Variants in CABIN1 observed in about 807,000 individuals in gnomAD.
CABIN1 encodes calcineurin binding protein 1, also known as calcineurin-binding protein cabin-1.
Under a neutral mutation model 227.7 loss-of-function variants are expected in CABIN1, and 133 were observed. That is an observed-to-expected ratio of 0.58 (90% CI 0.51 to 0.67). The LOEUF (loss-of-function observed/expected upper bound fraction) is 0.67. Ranked by LOEUF, CABIN1 falls within the 30% of genes least tolerant of loss-of-function variation. CABIN1 has a pLI of 0.00. For missense variants in CABIN1, 2,408 were observed against 2,852.5 expected, an observed-to-expected ratio of 0.84 and a Z score of 3.55; for synonymous variants, 1,086 against 1,155.1, an observed-to-expected ratio of 0.94 and a Z score of 1.21.
intron 15 of CABIN1, among the ~76,000 whole-genome samples, chr22:24,066,296 T>C (rs2039673983): frequency 6.6e-6 from 1 of 152,194 alleles, no homozygotes; most frequent in Non-Finnish European, 1.5e-5. Context: ...CAGTCATTGC[T>C]CTGCTCTCCT....
At chr22:24,141,454 T>C (rs191153561) in intron 29 of CABIN1, among the ~76,000 whole-genome samples, 11 of 152,362 alleles carry the variant, frequency 7.2e-5, no homozygotes, top group Admixed American at 7.2e-4. Flanking sequence ...TCTGATCTCC[T>C]TTCTCACCTG....
chr22:24,160,778 G>C (rs2046106868), intron 29 of CABIN1, among the ~76,000 whole-genome samples: 1 of 152,244 alleles, frequency 6.6e-6, no homozygotes, highest in Admixed American at 6.5e-5. Context: ...CCTCGAAGTG[G>C]TGCCACCTGC....
Position 24,063,276 on chromosome 22 carries a change from A to G in CABIN1, c.1884+130A>G, listed in dbSNP as rs1429430114. The G allele has an allele frequency of 4.3e-6, 4 of 931,550 alleles. 1 individual carries two copies. The African/African-American group carries it at 6.5e-5, about 15-fold the overall frequency. The allele number at this position is 931,550 out of a possible 1,614,324, so 57.7% of individuals were successfully genotyped here. Reference sequence around the variant, plus strand: ...TGTGTGTGCATGCATGTGTACATGCATAGCACCTGCCCGGGCACTGGGCTT... The same window carrying G: ...TGTGTGTGCATGCATGTGTACATGCGTAGCACCTGCCCGGGCACTGGGCTT... On this transcript the variant is annotated intron_variant, in intron 14 of 36. Coordinates refer to ENST00000263119, the MANE Select transcript of CABIN1 (RefSeq NM_012295.4).
intron 12 of CABIN1, among the ~76,000 whole-genome samples, chr22:24,060,890 ACT>A (rs1385725433): frequency 6.6e-6 from 1 of 150,494 alleles, no homozygotes; most frequent in African/African-American, 2.4e-5. Flanking sequence ...ACAAGGCGAG[ACT>A]CTTGTCTCAA....
At chr22:24,108,142 TG>T (rs1442865517) in intron 26 of CABIN1, among the ~76,000 whole-genome samples, 2 of 152,164 alleles carry the variant, frequency 1.3e-5, no homozygotes, top group East Asian at 3.8e-4. Context: ...AGGAAGACAA[TG>T]GCAATCGTGT....
chr22:24,059,113 C>G, intron 10 of CABIN1, 114 bp from the exon 11 acceptor site: 1 of 1,398,672 alleles, frequency 7.1e-7, no homozygotes, highest in Non-Finnish European at 1.0e-6. Flanking sequence ...CCACCACCCA[C>G]TTATTTTAGC....
chr22:24,091,542 T>C, intron 23 of CABIN1, 41 bp from the exon 24 acceptor site: 1 of 1,613,716 alleles, frequency 6.2e-7, no homozygotes, highest in East Asian at 2.2e-5. Context: ...CCTGGGCAGG[T>C]TCAGGCGTAA....
At chr22:24,071,980 A>G (rs1003029023) in intron 17 of CABIN1, among the ~76,000 whole-genome samples, 7 of 151,988 alleles carry the variant, frequency 4.6e-5, no homozygotes, top group Non-Finnish European at 1.0e-4. Flanking sequence ...TCTGTGAGCC[A>G]TTGTGGCTGC....
At chr22:24,080,272 G>A (rs1255135113) in intron 19 of CABIN1, among the ~76,000 whole-genome samples, 1 of 152,174 alleles carries the variant, frequency 6.6e-6, no homozygotes, top group Non-Finnish European at 1.5e-5. Context: ...GTCCGTTCCT[G>A]ACAATACTGA....
chr22:24,135,416 T>C (rs1483646047), intron 29 of CABIN1, among the ~76,000 whole-genome samples: 1 of 152,114 alleles, frequency 6.6e-6, no homozygotes, highest in Admixed American at 6.5e-5. Flanking sequence ...TGACCAATAT[T>C]GGGCTTTTAG....
intron 1 of CABIN1, among the ~76,000 whole-genome samples, chr22:24,027,110 T>A (rs1343546585): frequency 6.6e-6 from 1 of 152,262 alleles, no homozygotes; most frequent in Non-Finnish European, 1.5e-5. Flanking sequence ...TATTTTGTTA[T>A]ATTTATACAT....
At chr22:24,014,847 C>G (rs1345882102) in intron 1 of CABIN1, among the ~76,000 whole-genome samples, 1 of 152,170 alleles carries the variant, frequency 6.6e-6, no homozygotes, top group Non-Finnish European at 1.5e-5. Context: ...ACTTTGGTAT[C>G]TGGATTATCT....
rs1231210083 is a variant in CABIN1, at chr22:24,084,731, G to A, written c.3063G>A (p.Arg1021=). 1.2e-6 allele frequency: 2 copies of A among 1,614,100 alleles called. No individual in the cohort carries two copies. Among genetic ancestry groups the A allele is most frequent in the East Asian group, 2.2e-5 (1 of 44,898 alleles). ...CCACCATTGTGCCTCGCACAGAGAGGCCAGCCCTTAGCCTGGACAAAGTCT... is the reference window on the plus strand; with the variant it reads ...CCACCATTGTGCCTCGCACAGAGAGACCAGCCCTTAGCCTGGACAAAGTCT... ...RIATIVPRTE[R]PALSLDKVSA... The change falls in exon 21 of 37, where the codon AGG becomes AGA. Residue 1021 remains arginine (R), a synonymous_variant. Transcript: ENST00000263119.
At chr22:24,130,632 C>G (rs1204681785) in intron 28 of CABIN1, among the ~76,000 whole-genome samples, 1 of 152,072 alleles carries the variant, frequency 6.6e-6, no homozygotes, top group Non-Finnish European at 1.5e-5. Context: ...CAGCAAGGGC[C>G]CAATACAGTC....
rs2040142064 is a variant in CABIN1 at position 24,072,259 on chromosome 22, A to G, written c.2476-95A>G. ...CAGTGGGGGTGGGCAGGCAGCACATACCAGCTCCCCAAGAGGCCTCCTGCC... is the reference window on the plus strand; with the variant it reads ...CAGTGGGGGTGGGCAGGCAGCACATGCCAGCTCCCCAAGAGGCCTCCTGCC... On this transcript the variant is annotated intron_variant, in intron 17 of 36. Transcript: ENST00000263119. 7 of 1,355,494 alleles carry G rather than the reference A, an allele frequency of 5.2e-6. No individual in the cohort carries two copies. The South Asian group carries it at 6.1e-5, about 12-fold the overall frequency. The allele number at this position is 1,355,494 out of a possible 1,614,324, so 84.0% of individuals were successfully genotyped here.
intron 29 of CABIN1, chr22:24,156,173 C>T: frequency 2.6e-6 from 1 of 392,108 alleles, no homozygotes; most frequent in South Asian, 1.2e-4. Context: ...CCGTCTGGGT[C>T]TCCACTTTGC....
At chr22:24,042,598 T>A (rs561867118) in intron 5 of CABIN1, among the ~76,000 whole-genome samples, 70 of 152,274 alleles carry the variant, frequency 4.6e-4, no homozygotes, top group African/African-American at 1.2e-3. Context: ...AAAAATTTTT[T>A]TAAAAAATTC....
chr22:24,031,283 G>A (rs976867441), intron 1 of CABIN1, among the ~76,000 whole-genome samples: 1 of 152,182 alleles, frequency 6.6e-6, no homozygotes, highest in African/African-American at 2.4e-5. Flanking sequence ...GGGGTGGCAG[G>A]GGGCAGGAGA....
chr22:24,170,038 G>T, intron 33 of CABIN1: 1 of 441,372 alleles, frequency 2.3e-6, no homozygotes, highest in South Asian at 1.6e-5. Context: ...GCGACGCCAG[G>T]CCAGGCCCCA....
Sources: allele counts gnomAD v4.1 joint callset (sites outside exome capture counted in the v4.1 genomes callset), GRCh38; gene constraint gnomAD v4.1.1; transcripts MANE v1.5; gene names NCBI Gene and HGNC (gene_info 2026-07-23, HGNC 2026-07-21).